Variants in SLC35F1 observed in about 807,000 individuals in gnomAD.
The protein encoded by SLC35F1 is chromosome 6 open reading frame 169.
Under a neutral mutation model 48.7 loss-of-function variants are expected in SLC35F1, and 14 were observed. The ratio of observed to expected loss-of-function variants is 0.29; its 90% confidence interval spans 0.19 to 0.45. SLC35F1 has a LOEUF of 0.45. Ranked by LOEUF, SLC35F1 falls within the 20% of genes least tolerant of loss-of-function variation. The probability of loss-of-function intolerance (pLI) is 1.00; values close to 1 mark genes in which losing one functional copy is unlikely to be tolerated. For missense variants in SLC35F1, 404 were observed against 500.0 expected (o/e 0.81, Z 1.83); for synonymous variants, 190 against 202.2 (o/e 0.94, Z 0.51).
intron 1 of SLC35F1, among the ~76,000 whole-genome samples, chr6:117,929,056 G>A (rs1258942531): frequency 6.6e-5 from 10 of 151,710 alleles, no homozygotes; most frequent in African/African-American, 1.9e-4. Context: ...CACCACATCC[G>A]GACAATGAGA....
chr6:118,090,087 G>A (rs941422833), intron 1 of SLC35F1, among the ~76,000 whole-genome samples: 3 of 152,198 alleles, frequency 2.0e-5, no homozygotes, highest in African/African-American at 7.2e-5. Context: ...AAGATGTCAA[G>A]ATAATTATAA....
Position 118,095,902 on chromosome 6 carries a change from T to C in SLC35F1, c.174-58543T>C, listed in dbSNP as rs146696044. The stretch of plus-strand genomic sequence containing the variant: ...AATGTCACACACACAGTTCAGTGTT[T>C]CTGTTTAAGGTTCTTTGACTTGTCT... On this transcript the variant is annotated intron_variant, in intron 1 of 7. Coordinates refer to ENST00000360388, the MANE Select transcript of SLC35F1 (RefSeq NM_001029858.4). Among the ~76,000 whole-genome samples, 1,018 of 152,286 alleles carry C rather than the reference T, an allele frequency of 6.7e-3. 8 individuals are homozygous for C. The highest frequency in any genetic ancestry group is 0.014 in the Middle Eastern group (4 of 294).
At chr6:118,071,778 G>A (rs1473666008) in intron 1 of SLC35F1, among the ~76,000 whole-genome samples, 1 of 152,152 alleles carries the variant, frequency 6.6e-6, no homozygotes, top group Non-Finnish European at 1.5e-5. Context: ...TGCTATGGCT[G>A]AGGAGTCTGA....
rs1181208712 is a variant in SLC35F1 at position 118,271,027 on chromosome 6, A to AT, written c.637+3879dup. On this transcript the variant is annotated intron_variant, in intron 4 of 7. Coordinates refer to ENST00000360388, the MANE Select transcript of SLC35F1 (RefSeq NM_001029858.4). ...TCAAAGATGTTAGATGCCAACAATA[A>AT]TTTTTTATTACACTTACTTTTACAT... is the stretch of plus-strand genomic sequence containing the variant. 2.6e-5 allele frequency among the ~76,000 whole-genome samples: 4 copies of AT among 151,460 alleles called. No homozygotes were observed. In the Middle Eastern group the frequency reaches 0.01, roughly 386 times the overall value.
At chr6:118,027,551 C>T (rs1056041260) in intron 1 of SLC35F1, among the ~76,000 whole-genome samples, 2 of 152,028 alleles carry the variant, frequency 1.3e-5, no homozygotes, top group Admixed American at 6.6e-5. Context: ...TGATAGTAAA[C>T]ATTTTTTTCA....
At chr6:118,252,596 A>T (rs1273890271) in intron 3 of SLC35F1, among the ~76,000 whole-genome samples, 1 of 152,116 alleles carries the variant, frequency 6.6e-6, no homozygotes, top group Non-Finnish European at 1.5e-5. Flanking sequence ...ATGTGTCTGG[A>T]GTTCAACAGA....
chr6:118,081,991 A>G (rs1772916851), intron 1 of SLC35F1, among the ~76,000 whole-genome samples: 2 of 152,214 alleles, frequency 1.3e-5, no homozygotes, highest in African/African-American at 4.8e-5. Flanking sequence ...ATCTGTATCA[A>G]TAACCTATGT....
chr6:118,041,153 G>A (rs996368988), intron 1 of SLC35F1, among the ~76,000 whole-genome samples: 2 of 152,184 alleles, frequency 1.3e-5, no homozygotes, highest in Admixed American at 6.6e-5. Context: ...TGATGGTGGT[G>A]GAAGTAGCCA....
intron 2 of SLC35F1, among the ~76,000 whole-genome samples, chr6:118,222,441 G>C (rs1026368280): frequency 2.0e-5 from 3 of 151,116 alleles, no homozygotes; most frequent in Admixed American, 6.6e-5. Flanking sequence ...CATAATGCTT[G>C]GTTGTCTCTT....
intron 2 of SLC35F1, among the ~76,000 whole-genome samples, chr6:118,196,420 A>G (rs1774801322): frequency 6.6e-6 from 1 of 152,106 alleles, no homozygotes; most frequent in African/African-American, 2.4e-5. Flanking sequence ...TTTGGGTGTG[A>G]TATTCAAAAA....
intron 2 of SLC35F1, among the ~76,000 whole-genome samples, chr6:118,160,602 C>T (rs529931965): frequency 6.6e-6 from 1 of 152,190 alleles, no homozygotes; most frequent in Non-Finnish European, 1.5e-5. Context: ...TAAATTCTAG[C>T]AGATGGAAAT....
chr6:118,259,954 C>T (rs1276595104), intron 3 of SLC35F1, among the ~76,000 whole-genome samples: 1 of 151,966 alleles, frequency 6.6e-6, no homozygotes. Context: ...TATAATAACC[C>T]AAGAGTGGAA....
At chr6:118,281,196 C>CTATATA (rs1473388042) in intron 6 of SLC35F1, among the ~76,000 whole-genome samples, 9 of 125,210 alleles carry the variant, frequency 7.2e-5, no homozygotes, top group Non-Finnish European at 1.8e-5. Flanking sequence ...CTCTCTCTCT[C>CTATATA]TCTCTCTCTA....
chr6:117,920,082 G>A (rs1775877456), intron 1 of SLC35F1, among the ~76,000 whole-genome samples: 1 of 152,248 alleles, frequency 6.6e-6, no homozygotes, highest in Non-Finnish European at 1.5e-5. Flanking sequence ...TGTGACGCCG[G>A]GTTCCCGGGG....
chr6:117,994,570 C>T (rs1776960680), intron 1 of SLC35F1, among the ~76,000 whole-genome samples: 1 of 152,132 alleles, frequency 6.6e-6, no homozygotes, highest in African/African-American at 2.4e-5. Context: ...ATTAGTAGCC[C>T]TATTTTATAA....
intron 1 of SLC35F1, among the ~76,000 whole-genome samples, chr6:118,126,926 A>T (rs1168050210): frequency 6.6e-6 from 1 of 152,152 alleles, no homozygotes; most frequent in African/African-American, 2.4e-5. Flanking sequence ...GTCGTCTGCA[A>T]ACAGGGACAA....
chr6:117,974,550 A>G (rs1164599995), intron 1 of SLC35F1, among the ~76,000 whole-genome samples: 1 of 152,162 alleles, frequency 6.6e-6, no homozygotes, highest in South Asian at 2.1e-4. Flanking sequence ...CATTAATATA[A>G]CTTTTTAATG....
intron 1 of SLC35F1, among the ~76,000 whole-genome samples, chr6:118,006,667 C>A (rs1777178135): frequency 6.6e-6 from 1 of 152,108 alleles, no homozygotes; most frequent in East Asian, 1.9e-4. Flanking sequence ...TGATTCCAGG[C>A]ATGCTTTTAG....
At chr6:117,956,668 A>G (rs1776432625) in intron 1 of SLC35F1, among the ~76,000 whole-genome samples, 1 of 152,220 alleles carries the variant, frequency 6.6e-6, no homozygotes, top group Admixed American at 6.5e-5. Flanking sequence ...GAGACATTGC[A>G]GAGGCCATTT....
Sources: allele counts gnomAD v4.1 joint callset (sites outside exome capture counted in the v4.1 genomes callset), GRCh38; gene constraint gnomAD v4.1.1; transcripts MANE v1.5; gene names NCBI Gene and HGNC (gene_info 2026-07-23, HGNC 2026-07-21).